NFIB: variants seen among roughly 807,000 people sequenced by gnomAD.
NFIB encodes nuclear factor I B.
Under a neutral mutation model 61.5 loss-of-function variants are expected in NFIB, and 11 were observed. That is an observed-to-expected ratio of 0.18 (90% confidence interval 0.11 to 0.30). NFIB has a LOEUF of 0.30. Among genes scored for constraint, NFIB ranks in the 10% least tolerant of loss-of-function variants. NFIB has a pLI of 1.00. For missense variants in NFIB, 471 were observed against 608.9 expected (o/e 0.77, Z 2.38); for synonymous variants, 260 against 216.5 (o/e 1.20, Z -1.76).
intron 2 of NFIB, among the ~76,000 whole-genome samples, chr9:14,244,658 C>G (rs2054707456): frequency 6.6e-6 from 1 of 152,098 alleles, no homozygotes; most frequent in Non-Finnish European, 1.5e-5. Context: ...TGGCCTTAGA[C>G]AAATTACTGA....
intron 1 of NFIB, among the ~76,000 whole-genome samples, chr9:14,310,505 T>C (rs10810131): frequency 0.2 from 30,507 of 152,140 alleles, 3,258 homozygotes; most frequent in East Asian, 0.27. Flanking sequence ...TTAAAGATTA[T>C]GAGTGACATG....
At chr9:14,463,639 G>C in the NFIB span, among the ~76,000 whole-genome samples, 1 of 147,228 alleles carries the variant, frequency 6.8e-6, no homozygotes, top group Non-Finnish European at 1.5e-5. Flanking sequence ...TCATTTACAT[G>C]ACTGAAGTCA....
chr9:14,098,089 A>C (rs1408880518), intron 10 of NFIB, among the ~76,000 whole-genome samples: 3 of 152,202 alleles, frequency 2.0e-5, no homozygotes, highest in African/African-American at 7.2e-5. Context: ...AAAATAGCTG[A>C]TAAAAGTCTC....
At chr9:14,117,419 C>T (rs112090905) in intron 8 of NFIB, among the ~76,000 whole-genome samples, 44 of 152,018 alleles carry the variant, frequency 2.9e-4, no homozygotes, top group Non-Finnish European at 6.0e-4. Context: ...CTCCACTGCA[C>T]GGTGTTCATC....
chr9:14,302,911 A>G (rs1297083890), intron 2 of NFIB, among the ~76,000 whole-genome samples: 2 of 152,218 alleles, frequency 1.3e-5, no homozygotes, highest in African/African-American at 4.8e-5. Context: ...CTGAAAAGCA[A>G]TATTAACGCT....
chr9:14,167,484 G>C (rs1397191748), intron 3 of NFIB, among the ~76,000 whole-genome samples: 1 of 152,124 alleles, frequency 6.6e-6, no homozygotes, highest in Non-Finnish European at 1.5e-5. Flanking sequence ...AATGAGCCAA[G>C]ATCACACCAC....
chr9:14,438,707 C>T, the NFIB span, among the ~76,000 whole-genome samples: 1 of 152,128 alleles, frequency 6.6e-6, no homozygotes. Context: ...ACGGGCTTAA[C>T]CTTTACGATC....
the NFIB span, among the ~76,000 whole-genome samples, chr9:14,406,530 G>A: frequency 2.0e-5 from 3 of 152,278 alleles, no homozygotes; most frequent in African/African-American, 4.8e-5. Context: ...TGGGGAGTGT[G>A]TGATTGTGCT....
In NFIB at chr9:14,086,109, G is replaced by A; in HGVS notation, c.*2200C>T. ...TGAGTTCAGCTTGCAACCCAGGTGG[G>A]AAGTTAGAGAGGGGAACCTGTGTAA... On this transcript the variant is annotated 3_prime_UTR_variant, in exon 11 of 11. Transcript: ENST00000380953. The A allele has an allele frequency of 4.4e-6, 1 of 225,436 alleles. No homozygotes were observed. The highest frequency in any genetic ancestry group is 8.9e-6 in the Non-Finnish European group (1 of 112,718). The allele number at this position is 225,436 out of a possible 1,614,324, so 14.0% of individuals were successfully genotyped here.
intron 2 of NFIB, among the ~76,000 whole-genome samples, chr9:14,197,103 T>C (rs1378477316): frequency 6.6e-6 from 1 of 152,246 alleles, no homozygotes; most frequent in Non-Finnish European, 1.5e-5. Context: ...CATTTTCATC[T>C]ACATTACTTT....
At chr9:14,186,639 T>C (rs1217227344) in intron 2 of NFIB, among the ~76,000 whole-genome samples, 1 of 152,050 alleles carries the variant, frequency 6.6e-6, no homozygotes, top group Non-Finnish European at 1.5e-5. Flanking sequence ...TTCTTCTCTC[T>C]TCCCCTCTCT....
At chr9:14,361,293 AT>A (rs2061237303) in intron 1 of NFIB, 1 of 151,206 alleles carries the variant, frequency 6.6e-6, no homozygotes, top group African/African-American at 2.4e-5. Flanking sequence ...ACTTTTGAGG[AT>A]TGCTTTTTGC....
At chr9:14,277,894 C>T (rs2132400122) in intron 2 of NFIB, among the ~76,000 whole-genome samples, 1 of 152,256 alleles carries the variant, frequency 6.6e-6, no homozygotes, top group East Asian at 1.9e-4. Flanking sequence ...CTTGAGATTT[C>T]TGTTTCTCGT....
the NFIB span, among the ~76,000 whole-genome samples, chr9:14,507,306 T>C: frequency 6.6e-6 from 1 of 152,232 alleles, no homozygotes; most frequent in Non-Finnish European, 1.5e-5. Flanking sequence ...ATATAAAAGT[T>C]TTTATTTTTG....
chr9:14,087,236 G>A lies in NFIB; in HGVS notation c.*1073C>T. 1 of 203,528 alleles carries A rather than the reference G, an allele frequency of 4.9e-6. No individual in the cohort carries two copies. The highest frequency in any genetic ancestry group is 1.0e-5 in the Non-Finnish European group (1 of 98,964). The allele number at this position is 203,528 out of a possible 1,614,324, so 12.6% of individuals were successfully genotyped here. On this transcript the variant is annotated 3_prime_UTR_variant, in exon 11 of 11. Coordinates refer to ENST00000380953, the MANE Select transcript of NFIB (RefSeq NM_001190737.2). The stretch of plus-strand genomic sequence containing the variant: ...CTGCAGCTAAACCAACATAAGTGCT[G>A]TGTTTTCATTAATTTTATTTTTCTC...
At chr9:14,174,455 A>C (rs2045919333) in intron 3 of NFIB, among the ~76,000 whole-genome samples, 1 of 152,190 alleles carries the variant, frequency 6.6e-6, no homozygotes, top group Non-Finnish European at 1.5e-5. Flanking sequence ...CATGAGAAGG[A>C]ATAGACATGA....
chr9:14,335,690 G>A (rs535616611), intron 1 of NFIB, among the ~76,000 whole-genome samples: 3 of 152,250 alleles, frequency 2.0e-5, no homozygotes, highest in South Asian at 2.1e-4. Context: ...TTTAAAGTTC[G>A]ATGAAGTCAA....
chr9:14,125,858 T>C, intron 6 of NFIB, 92 bp from the exon 7 acceptor site: 1 of 1,507,806 alleles, frequency 6.6e-7, no homozygotes, highest in Admixed American at 2.1e-5. Context: ...TTGCAACATT[T>C]TAGTATTCTT....
chr9:14,358,903 A>C (rs1253082276), intron 1 of NFIB, among the ~76,000 whole-genome samples: 2 of 152,242 alleles, frequency 1.3e-5, no homozygotes, highest in African/African-American at 4.8e-5. Flanking sequence ...GTAATGATAC[A>C]TCAACCTTAT....
Sources: gnomAD v4.1 joint callset for allele counts (sites outside exome capture counted in the v4.1 genomes callset) on GRCh38, gnomAD v4.1.1 for gene constraint, MANE v1.5 for transcripts, NCBI Gene and HGNC (gene_info 2026-07-23, HGNC 2026-07-21) for gene names.